Variants in SPOPL observed in about 807,000 individuals in gnomAD.
The protein encoded by SPOPL is speckle-type POZ protein-like.
Under a neutral mutation model 53.8 loss-of-function variants are expected in SPOPL, and 23 were observed. The observed-to-expected ratio is 0.43, with a 90% CI of 0.31 to 0.61. The LOEUF (loss-of-function observed/expected upper bound fraction) is 0.61, where lower values mean the gene tolerates loss of function less well. SPOPL is among the 20% of genes least tolerant of loss of function. The pLI, the probability that SPOPL is intolerant of heterozygous loss-of-function variation, is 0.12. For synonymous variants in SPOPL, 164 were observed against 149.7 expected (o/e 1.10, Z -0.70); for missense variants, 442 against 466.9 (o/e 0.95, Z 0.49).
chr2:138,564,564 A>T, intron 8 of SPOPL, 144 bp from the exon 9 acceptor site: 1 of 899,274 alleles, frequency 1.1e-6, no homozygotes, highest in Non-Finnish European at 1.6e-6. Flanking sequence ...ACTTCGTATT[A>T]GGTTAAAACA....
At chr2:138,524,599 G>T (rs536766821) in intron 1 of SPOPL, among the ~76,000 whole-genome samples, 56 of 152,238 alleles carry the variant, frequency 3.7e-4, no homozygotes, top group Admixed American at 1.4e-3. Flanking sequence ...CTCTTCAATG[G>T]TTTGCTGCTT....
In SPOPL at chr2:138,559,066, T is replaced by G. The variant is rs368798326; in HGVS notation, c.525T>G (p.Asn175Lys). ...QDSVNISGHT[N>K]TNTLKVPECR... Reference sequence around the variant, plus strand: ...CAGTAAACATATCAGGACATACTAATACAAATACTTTGAAGGTGCCTGAGT... The same window carrying G: ...CAGTAAACATATCAGGACATACTAAGACAAATACTTTGAAGGTGCCTGAGT... Residue 175 changes from asparagine to lysine, a missense_variant, in exon 6 of 11, where the codon AAT (asparagine) becomes AAG (lysine). Asn to Lys is a moderately conservative substitution (Grantham distance 94). Coordinates refer to ENST00000280098, the MANE Select transcript of SPOPL (RefSeq NM_001001664.3). The G allele has an allele frequency of 1.2e-6, 2 of 1,613,336 alleles. No individual in the cohort carries two copies. Among genetic ancestry groups the G allele is most frequent in the African/African-American group, 2.7e-5 (2 of 75,036 alleles).
At position 138,570,542 on chromosome 2, in the gene SPOPL, C is replaced by G. The variant is rs536020798; in HGVS notation, c.*1462C>G. The G allele has an allele frequency of 6.6e-6, 1 of 152,108 alleles. No individual in the cohort carries two copies. The highest frequency in any genetic ancestry group is 1.5e-5 in the Non-Finnish European group (1 of 68,012). The allele number at this position is 152,108 out of a possible 1,614,324, so 9.4% of individuals were successfully genotyped here. ...GTGTTGGGGTACCACATCTGACTTA[C>G]TGTGGTGGTGACCAGTGTGCTTCTT... On this transcript the variant is annotated 3_prime_UTR_variant, in exon 11 of 11. Transcript: ENST00000280098.
chr2:138,535,286 A>G (rs965623856), intron 1 of SPOPL, among the ~76,000 whole-genome samples: 1 of 152,218 alleles, frequency 6.6e-6, no homozygotes, highest in Non-Finnish European at 1.5e-5. Flanking sequence ...CCTTTTGGCT[A>G]TTGTGAATAC....
At chr2:138,520,981 G>T (rs929132429) in intron 1 of SPOPL, among the ~76,000 whole-genome samples, 24 of 152,078 alleles carry the variant, frequency 1.6e-4, no homozygotes, top group African/African-American at 5.6e-4. Flanking sequence ...ATACATAATA[G>T]AAAAAATTGG....
intron 8 of SPOPL, chr2:138,564,462 T>C (rs1685616260): frequency 2.3e-6 from 1 of 428,214 alleles, no homozygotes; most frequent in African/African-American, 2.0e-5. Context: ...AGGTAGCTTT[T>C]TAGAATAAAT....
chr2:138,528,681 G>T (rs1296746807), intron 1 of SPOPL, among the ~76,000 whole-genome samples: 1 of 152,150 alleles, frequency 6.6e-6, no homozygotes, highest in Non-Finnish European at 1.5e-5. Flanking sequence ...TGTCACATAT[G>T]AATTGATAAG....
intron 5 of SPOPL, among the ~76,000 whole-genome samples, chr2:138,553,125 G>A (rs190186179): frequency 1.2e-4 from 19 of 152,120 alleles, no homozygotes; most frequent in Non-Finnish European, 2.1e-4. Context: ...TTGTTCAGGC[G>A]GTTGGATTAA....
intron 5 of SPOPL, among the ~76,000 whole-genome samples, chr2:138,553,127 T>C (rs1367410462): frequency 1.3e-5 from 2 of 152,054 alleles, no homozygotes; most frequent in Non-Finnish European, 2.9e-5. Context: ...GTTCAGGCGG[T>C]TGGATTAATC....
intron 1 of SPOPL, among the ~76,000 whole-genome samples, chr2:138,512,396 T>G (rs560634790): frequency 6.6e-6 from 1 of 152,212 alleles, no homozygotes; most frequent in Non-Finnish European, 1.5e-5. Context: ...TAGTTGGGAT[T>G]CCTGTCAACC....
intron 1 of SPOPL, among the ~76,000 whole-genome samples, chr2:138,513,067 A>G (rs938962853): frequency 3.3e-5 from 5 of 152,192 alleles, no homozygotes; most frequent in South Asian, 2.1e-4. Flanking sequence ...TGTGGTAATG[A>G]TGGTGGTGAA....
rs1465110840 is a variant in SPOPL at position 138,535,889 on chromosome 2, T to A, written c.-60-14268T>A. Among the ~76,000 whole-genome samples the A allele has an allele frequency of 1.3e-5, 2 of 152,170 alleles. 1 individual carries two copies. Among genetic ancestry groups the A allele is most frequent in the South Asian group, 4.1e-4 (2 of 4,832 alleles). On this transcript the variant is annotated intron_variant, in intron 1 of 10. Transcript: ENST00000280098. ...TTGTCTGTAAGTTCACTAATTCTTC[T>A]ATTTGTTCATATCTACTGTTGACCT...
Position 138,550,578 on chromosome 2 carries a change from A to G in SPOPL, c.174A>G (p.Ser58=), listed in dbSNP as rs1320020916. ...MGEVLKSSTF[S]SGPSDKMKWC... ...AAGTGTTAAAAAGTTCAACATTTTCATCTGGCCCAAGTGACAAAATGAAAT... is the reference window on the plus strand; with the variant it reads ...AAGTGTTAAAAAGTTCAACATTTTCGTCTGGCCCAAGTGACAAAATGAAAT... Residue 58 remains serine (S), a synonymous_variant, in exon 3 of 11, where the codon TCA becomes TCG. Coordinates refer to ENST00000280098, the MANE Select transcript of SPOPL (RefSeq NM_001001664.3). The G allele has an allele frequency of 6.2e-7, 1 of 1,608,264 alleles. No homozygotes were observed. Among genetic ancestry groups the G allele is most frequent in the Admixed American group, 1.7e-5 (1 of 59,306 alleles).
rs1339840111 is a variant in SPOPL, at chr2:138,564,978, A to G, written c.1019A>G (p.Lys340Arg). 6.2e-7 allele frequency: 1 copy of G among 1,614,090 alleles called. No individual in the cohort carries two copies. Among genetic ancestry groups the G allele is most frequent in the Admixed American group, 1.7e-5 (1 of 60,022 alleles). Residue 340 changes from lysine (K) to arginine (R), a missense_variant, in exon 10 of 11, where the codon AAA becomes AGA. Physicochemically the swap from Lys to Arg is conservative, Grantham distance 26. Transcript: ENST00000280098. ...VLRQLGCKDG[K>R]NWNSNQATDI... Reference sequence around the variant, plus strand: ...CGACAACTTGGGTGTAAAGATGGGAAAAACTGGAACAGCAAGTAAGATGAC... The same window carrying G: ...CGACAACTTGGGTGTAAAGATGGGAGAAACTGGAACAGCAAGTAAGATGAC...
Position 138,507,407 on chromosome 2 carries a change from A to C in SPOPL, c.-61+5288A>C, listed in dbSNP as rs781546972. Among the ~76,000 whole-genome samples the C allele has an allele frequency of 7.3e-4, 111 of 152,324 alleles. 1 individual carries two copies. The highest frequency in any genetic ancestry group is 1.3e-3 in the Non-Finnish European group (89 of 68,024). ...GATTAGAATTCAGAGACTAGGGACC[A>C]TGAACGATTAAACAAATATTTGTTT... is the stretch of plus-strand genomic sequence containing the variant. On this transcript the variant is annotated intron_variant, in intron 1 of 10. Transcript: ENST00000280098.
chr2:138,537,222 G>T (rs896844027), intron 1 of SPOPL, among the ~76,000 whole-genome samples: 1 of 152,146 alleles, frequency 6.6e-6, no homozygotes, highest in African/African-American at 2.4e-5. Flanking sequence ...TTATTCGGCT[G>T]GGAGCATCGG....
chr2:138,538,930 G>A (rs1247363642), intron 1 of SPOPL, among the ~76,000 whole-genome samples: 2 of 151,994 alleles, frequency 1.3e-5, no homozygotes, highest in Non-Finnish European at 2.9e-5. Context: ...CCCGGTGTGT[G>A]ATGTTCCCCT....
intron 8 of SPOPL, among the ~76,000 whole-genome samples, chr2:138,561,964 A>G (rs1419358766): frequency 1.3e-5 from 2 of 152,060 alleles, no homozygotes; most frequent in African/African-American, 2.4e-5. Flanking sequence ...AAACCTGCAC[A>G]TGTATCTCCC....
chr2:138,536,206 A>G (rs934729932), intron 1 of SPOPL, among the ~76,000 whole-genome samples: 2 of 151,894 alleles, frequency 1.3e-5, no homozygotes, highest in Non-Finnish European at 2.9e-5. Flanking sequence ...ATGCCTCGTA[A>G]TTTTCTATTC....
Sources: gnomAD v4.1 joint callset for allele counts (sites outside exome capture counted in the v4.1 genomes callset) on GRCh38, gnomAD v4.1.1 for gene constraint, MANE v1.5 for transcripts, NCBI Gene and HGNC (gene_info 2026-07-23, HGNC 2026-07-21) for gene names.